Variants in ATXN7L1 observed in about 807,000 individuals in gnomAD.
The protein encoded by ATXN7L1 is ataxin 7 like 1, also known as ataxin-7-like protein 1.
Under a neutral mutation model 70.8 loss-of-function variants are expected in ATXN7L1, and 15 were observed. The observed-to-expected ratio is 0.21, with a 90% CI of 0.14 to 0.33. ATXN7L1 has a LOEUF of 0.33. ATXN7L1 is among the 10% of genes least tolerant of loss of function. The pLI is 1.00. For synonymous variants in ATXN7L1, 440 were observed against 445.1 expected (o/e 0.99, Z 0.14); for missense variants, 975 against 1,097.1 (o/e 0.89, Z 1.57).
At chr7:105,841,926 C>G (rs1006020557) in intron 2 of ATXN7L1, among the ~76,000 whole-genome samples, 2 of 152,140 alleles carry the variant, frequency 1.3e-5, no homozygotes, top group Admixed American at 1.3e-4. Flanking sequence ...ATAGTGGGTA[C>G]TTTATAAGCA....
chr7:105,633,130 T>C (rs1223366400), intron 7 of ATXN7L1, among the ~76,000 whole-genome samples: 3 of 152,168 alleles, frequency 2.0e-5, no homozygotes, highest in African/African-American at 7.2e-5. Context: ...AATCCAGTTA[T>C]ATACTCAAAT....
intron 3 of ATXN7L1, among the ~76,000 whole-genome samples, chr7:105,747,148 A>G (rs569071392): frequency 2.6e-5 from 4 of 152,338 alleles, no homozygotes; most frequent in African/African-American, 9.6e-5. Context: ...GCAGCGGGTA[A>G]GTAGCTTCAG....
At chr7:105,799,160 G>A (rs1359434733) in intron 2 of ATXN7L1, among the ~76,000 whole-genome samples, 8 of 152,200 alleles carry the variant, frequency 5.3e-5, no homozygotes, top group Non-Finnish European at 8.8e-5. Flanking sequence ...GCCCTCCTGC[G>A]GTGCCTTACA....
chr7:105,688,344 C>A (rs1260235605), intron 3 of ATXN7L1, among the ~76,000 whole-genome samples: 2 of 152,168 alleles, frequency 1.3e-5, no homozygotes, highest in Admixed American at 1.3e-4. Context: ...GAGTTTGAGA[C>A]CAGCCTGGGC....
chr7:105,789,908 C>G (rs533253150), intron 2 of ATXN7L1, among the ~76,000 whole-genome samples: 1 of 151,546 alleles, frequency 6.6e-6, no homozygotes, highest in South Asian at 2.1e-4. Flanking sequence ...AAAGTGGAAA[C>G]AACCCAAACA....
intron 3 of ATXN7L1, among the ~76,000 whole-genome samples, chr7:105,727,765 T>TATATATATATACAC (rs1554442510): frequency 1.1e-5 from 1 of 92,656 alleles, no homozygotes; most frequent in Non-Finnish European, 2.1e-5. Flanking sequence ...TATATATATA[T>TATATATATATACAC]ATATATATAT....
chr7:105,711,648 G>A (rs1793925204), intron 3 of ATXN7L1, among the ~76,000 whole-genome samples: 1 of 152,206 alleles, frequency 6.6e-6, no homozygotes, highest in Non-Finnish European at 1.5e-5. Flanking sequence ...CATAAGCAAT[G>A]GGGTCCTAAG....
chr7:105,710,515 C>T (rs1425645917), intron 3 of ATXN7L1, among the ~76,000 whole-genome samples: 4 of 148,692 alleles, frequency 2.7e-5, no homozygotes, highest in African/African-American at 9.9e-5. Flanking sequence ...TCATGCCATT[C>T]TCCTGCCTCA....
At chr7:105,806,616 C>G (rs993770365) in intron 2 of ATXN7L1, among the ~76,000 whole-genome samples, 1 of 152,064 alleles carries the variant, frequency 6.6e-6, no homozygotes, top group Non-Finnish European at 1.5e-5. Context: ...TGCACAGTCT[C>G]CCTGTGAAAC....
intron 3 of ATXN7L1, among the ~76,000 whole-genome samples, chr7:105,748,685 T>C (rs1007618596): frequency 6.6e-6 from 1 of 152,144 alleles, no homozygotes; most frequent in Admixed American, 6.5e-5. Context: ...CCCTCAGGCC[T>C]GAGGCTTGGG....
chr7:105,653,356 G>C (rs13247281), intron 4 of ATXN7L1, among the ~76,000 whole-genome samples: 13 of 152,152 alleles, frequency 8.5e-5, no homozygotes, highest in Admixed American at 5.2e-4. Context: ...GCTGAGGCAG[G>C]AGAATTGCTT....
At chr7:105,620,389 A>ACC in intron 8 of ATXN7L1, 68 bp from the exon 9 acceptor site, 1 of 1,423,046 alleles carries the variant, frequency 7.0e-7, no homozygotes, top group Non-Finnish European at 9.4e-7. Flanking sequence ...TACAGAGAAA[A>ACC]ATAACATTTA....
intron 3 of ATXN7L1, among the ~76,000 whole-genome samples, chr7:105,763,875 A>G (rs1316614994): frequency 6.6e-6 from 1 of 150,610 alleles, no homozygotes; most frequent in Non-Finnish European, 1.5e-5. Flanking sequence ...TTTTTTTGAG[A>G]TGGAGTCTTG....
chr7:105,824,625 T>C (rs1200445125), intron 2 of ATXN7L1, among the ~76,000 whole-genome samples: 3 of 151,986 alleles, frequency 2.0e-5, no homozygotes, highest in African/African-American at 7.2e-5. Flanking sequence ...CTGATAGAGT[T>C]TTAGAATCCA....
At chr7:105,665,713 A>T (rs1802506268) in intron 3 of ATXN7L1, among the ~76,000 whole-genome samples, 1 of 152,204 alleles carries the variant, frequency 6.6e-6, no homozygotes, top group Non-Finnish European at 1.5e-5. Flanking sequence ...AACAAACAGG[A>T]AACTCTTGAA....
At chr7:105,801,077 G>A (rs1238868837) in intron 2 of ATXN7L1, among the ~76,000 whole-genome samples, 3 of 152,152 alleles carry the variant, frequency 2.0e-5, no homozygotes, top group Non-Finnish European at 4.4e-5. Context: ...TAATAATAGG[G>A]TAGTTGTCAG....
intron 2 of ATXN7L1, among the ~76,000 whole-genome samples, chr7:105,862,528 G>T (rs1816792591): frequency 6.6e-6 from 1 of 152,138 alleles, no homozygotes; most frequent in Non-Finnish European, 1.5e-5. Flanking sequence ...AGTGTAAAAG[G>T]TGCTTGAACC....
At chr7:105,806,531 C>T (rs999134480) in intron 2 of ATXN7L1, among the ~76,000 whole-genome samples, 2 of 152,120 alleles carry the variant, frequency 1.3e-5, no homozygotes, top group African/African-American at 2.4e-5. Context: ...AACTGATCTG[C>T]AGTCCAAGAG....
intron 2 of ATXN7L1, among the ~76,000 whole-genome samples, chr7:105,852,668 G>T (rs972691750): frequency 6.6e-6 from 1 of 151,694 alleles, no homozygotes; most frequent in Non-Finnish European, 1.5e-5. Context: ...GCTTATCTCG[G>T]AAGGACTGAA....
Sources: gnomAD v4.1 joint callset for allele counts (sites outside exome capture counted in the v4.1 genomes callset) on GRCh38, gnomAD v4.1.1 for gene constraint, MANE v1.5 for transcripts, NCBI Gene and HGNC (gene_info 2026-07-23, HGNC 2026-07-21) for gene names.